Variants in EPS8 observed in about 807,000 individuals in gnomAD.
EPS8 encodes EGFR pathway substrate 8, signaling adaptor.
EPS8 carries 42 observed loss-of-function variants against 103.8 expected under a neutral mutation model. The observed-to-expected ratio is 0.40, with a 90% CI of 0.32 to 0.52. The LOEUF (loss-of-function observed/expected upper bound fraction) is 0.52, where lower values mean the gene tolerates loss of function less well. Ranked by LOEUF, EPS8 falls within the 20% of genes least tolerant of loss-of-function variation. The pLI, the probability that EPS8 is intolerant of heterozygous loss-of-function variation, is 0.40. For synonymous variants in EPS8, 344 were observed against 344.6 expected, an observed-to-expected ratio of 1.00 and a Z score of 0.02; for missense variants, 969 against 1,005.1, an observed-to-expected ratio of 0.96 and a Z score of 0.49.
Position 15,781,815 on chromosome 12 carries a change from A to C in EPS8, c.-22+7346T>G, listed in dbSNP as rs564107046. ...CCTTGCTGGTGGGGACTCTCCAAGA[A>C]TCCCAGGACAACAGAGAGCATCACA... is the stretch of plus-strand genomic sequence containing the variant. On this transcript the variant is annotated intron_variant, in intron 1 of 20. Transcript: ENST00000281172. The surrounding 1 kb of genome is among the most constrained non-coding windows in gnomAD (Gnocchi z 4.1). The C allele has an allele frequency of 1.3e-3, 193 of 152,468 alleles. No homozygotes were observed. Among genetic ancestry groups the C allele is most frequent in the Middle Eastern group, 3.4e-3 (1 of 294 alleles). 9.4% of individuals were successfully genotyped at this position (152,468 alleles called of 1,614,324 possible). A position where few individuals can be genotyped will look rare whatever the true frequency, so the allele number is the denominator to read the frequency against.
rs1223146999 is a variant in EPS8, at chr12:15,650,889, CA to C, written c.1367del (p.Leu456ArgfsTer8). 3.1e-6 allele frequency: 5 copies of C among 1,613,966 alleles called. No homozygotes were observed. The highest frequency in any genetic ancestry group is 4.2e-6 in the Non-Finnish European group (5 of 1,179,992). ...CTGCTACATTTGCCACAGATTCTGC[CA>C]GTTGATAAAGATCTTGTTCCATTGT... ...GATMEQDLYQLAESVANVAEH... is the reference protein window; with the variant it reads ...GATMEQDLYQXAESVANVAEH... On this transcript the variant is annotated frameshift_variant, in exon 14 of 21. Transcript: ENST00000281172. LOFTEE classifies it high-confidence loss of function.
At chr12:15,681,728 CA>C (rs71042267) in intron 2 of EPS8, among the ~76,000 whole-genome samples, 1,331 of 39,198 alleles carry the variant, frequency 0.034, 37 homozygotes, top group Admixed American at 0.16. Flanking sequence ...GACTCTGTCT[CA>C]AAAAAAAAAA....
In EPS8 at chr12:15,688,625, C is replaced by T. The variant is rs866520540; in HGVS notation, c.-21-5653G>A. 2.6e-5 allele frequency among the ~76,000 whole-genome samples: 4 copies of T among 152,060 alleles called. No individual in the cohort carries two copies. The highest frequency in any genetic ancestry group is 7.2e-5 in the African/African-American group (3 of 41,416). On this transcript the variant is annotated intron_variant, in intron 1 of 20. Coordinates refer to ENST00000281172, the MANE Select transcript of EPS8 (RefSeq NM_004447.6). The surrounding 1 kb of genome is among the most constrained non-coding windows in gnomAD (Gnocchi z 5.1). ...TGCAGGCCACTAACCAGCAGAATGA[C>T]GCGGAATTTGGAGTTTAGCAGGGGC...
chr12:15,680,731 T>C (rs1945990157), intron 3 of EPS8, among the ~76,000 whole-genome samples: 2 of 152,080 alleles, frequency 1.3e-5, no homozygotes, highest in African/African-American at 2.4e-5. Context: ...TAAAAAATAG[T>C]ATGTATATGT....
intron 10 of EPS8, among the ~76,000 whole-genome samples, chr12:15,659,864 G>A (rs12300287): frequency 0.03 from 4,622 of 152,144 alleles, 270 homozygotes; most frequent in African/African-American, 0.11. Context: ...TGAATGTACC[G>A]TTTAAAGTTT....
At chr12:15,663,943 A>T (rs1591832670) in intron 8 of EPS8, among the ~76,000 whole-genome samples, 3 of 8,414 alleles carry the variant, frequency 3.6e-4, no homozygotes, top group Non-Finnish European at 6.7e-4. Context: ...AAAAAAAAAA[A>T]AAATAATATA....
In EPS8 at chr12:15,772,605, C is replaced by A. The variant is rs560002373; in HGVS notation, c.-22+16556G>T. On this transcript the variant is annotated intron_variant, in intron 1 of 20. Transcript: ENST00000281172. This position sits in a 1 kb window ranked among gnomAD's most constrained non-coding sequence, Gnocchi z 5.0. Reference sequence around the variant, plus strand: ...CTCTCACTGCTGCCAACAGATGGTGCTAGAACTTACTTGAGAGTTTCACTT... The same window carrying A: ...CTCTCACTGCTGCCAACAGATGGTGATAGAACTTACTTGAGAGTTTCACTT... Among the ~76,000 whole-genome samples, 3 of 152,088 alleles carry A rather than the reference C, an allele frequency of 2.0e-5. No individual in the cohort carries two copies. Among genetic ancestry groups the A allele is most frequent in the Non-Finnish European group, 4.4e-5 (3 of 68,010 alleles).
rs142230886 is a variant in EPS8, at chr12:15,701,098, T to A, written c.-21-18126A>T. ...CTTCAATCTGCTAAATTAACTAATA[T>A]CTTTGGCTTCAAAATAGTCACTTTT... On this transcript the variant is annotated intron_variant, in intron 1 of 20. Coordinates refer to ENST00000281172, the MANE Select transcript of EPS8 (RefSeq NM_004447.6). This position sits in a 1 kb window ranked among gnomAD's most constrained non-coding sequence, Gnocchi z 5.1. 6.6e-6 allele frequency among the ~76,000 whole-genome samples: 1 copy of A among 152,194 alleles called. No individual in the cohort carries two copies. Among genetic ancestry groups the A allele is most frequent in the African/African-American group, 2.4e-5 (1 of 41,456 alleles).
At position 15,725,364 on chromosome 12, in the gene EPS8, T is replaced by A. The variant is rs758160735; in HGVS notation, c.-21-42392A>T. On this transcript the variant is annotated intron_variant, in intron 1 of 20. Transcript: ENST00000281172. The surrounding 1 kb of genome is among the most constrained non-coding windows in gnomAD (Gnocchi z 4.5). The stretch of plus-strand genomic sequence containing the variant: ...GCTCACACCTGTAATCCCAGCTACT[T>A]GGGAGGCCGAGGCAGGAGGATCACT... Among the ~76,000 whole-genome samples, 1 of 151,654 alleles carries A rather than the reference T, an allele frequency of 6.6e-6. No individual in the cohort carries two copies. Among genetic ancestry groups the A allele is most frequent in the African/African-American group, 2.4e-5 (1 of 41,230 alleles).
At chr12:15,658,739 A>C (rs993595843) in intron 10 of EPS8, among the ~76,000 whole-genome samples, 154 bp from the exon 11 acceptor site, 2 of 152,168 alleles carry the variant, frequency 1.3e-5, no homozygotes, top group African/African-American at 4.8e-5. Context: ...TGACTGTAAC[A>C]AACTGAGAAG....
rs1375513870 is a variant in EPS8 at position 15,785,084 on chromosome 12, G to A, written c.-22+4077C>T. Reference sequence around the variant, plus strand: ...TGTCAAAACCCAAAGAACTTCACAGGACAAAGAGTAAACTTTAATGTATGC... The same window carrying A: ...TGTCAAAACCCAAAGAACTTCACAGAACAAAGAGTAAACTTTAATGTATGC... On this transcript the variant is annotated intron_variant, in intron 1 of 20. Transcript: ENST00000281172. This position sits in a 1 kb window ranked among gnomAD's most constrained non-coding sequence, Gnocchi z 4.9. Among the ~76,000 whole-genome samples the A allele has an allele frequency of 6.6e-6, 1 of 152,064 alleles. No homozygotes were observed. Among genetic ancestry groups the A allele is most frequent in the Non-Finnish European group, 1.5e-5 (1 of 67,950 alleles).
At position 15,662,047 on chromosome 12, in the gene EPS8, T is replaced by C. The variant is rs1409594362; in HGVS notation, c.789A>G (p.Ala263=). 8 of 1,613,948 alleles carry C rather than the reference T, an allele frequency of 5.0e-6. 1 individual carries two copies. In the South Asian group the frequency reaches 8.8e-5, roughly 18 times the overall value. ...TTACCACATCTCTGTCAATGCGGGC[T>C]GCCATCATCTCAGGTGTTTCTTCCT... ...HEQEETPEMM[A]ARIDRDVQIL... is the part of the protein sequence containing the mutation. The change falls in exon 9 of 21, where the codon GCA becomes GCG. Residue 263 remains alanine, a synonymous_variant. Transcript: ENST00000281172.
chr12:15,786,804 C>T (rs2136061993), intron 1 of EPS8, among the ~76,000 whole-genome samples: 1 of 152,154 alleles, frequency 6.6e-6, no homozygotes, highest in East Asian at 1.9e-4. Context: ...ATTTTTCTTA[C>T]AAAAATATTT....
intron 8 of EPS8, 34 bp downstream of exon 8, chr12:15,665,722 G>A (rs1355363603): frequency 6.2e-7 from 1 of 1,610,454 alleles, no homozygotes; most frequent in East Asian, 2.2e-5. Flanking sequence ...CCCAAAGTAA[G>A]TGTTCAATAA....
Position 15,704,295 on chromosome 12 carries a change from T to C in EPS8, c.-21-21323A>G, listed in dbSNP as rs1029201564. On this transcript the variant is annotated intron_variant, in intron 1 of 20. Transcript: ENST00000281172. The surrounding 1 kb of genome is among the most constrained non-coding windows in gnomAD (Gnocchi z 4.6). ...TACACCCATGCTCATATCAACATTA[T>C]TCACGAGAGCCAAAAGGTAGATGCA... 2.6e-5 allele frequency among the ~76,000 whole-genome samples: 4 copies of C among 152,162 alleles called. No individual in the cohort carries two copies. The highest frequency in any genetic ancestry group is 6.5e-5 in the Admixed American group (1 of 15,276).
In EPS8 at chr12:15,749,575, G is replaced by A. The variant is rs926121445; in HGVS notation, c.-22+39586C>T. ...TGTTTATCTTCTTCACTCTGGCTGC[G>A]ACTATGCCTCACTCAGAGAAGGGAC... On this transcript the variant is annotated intron_variant, in intron 1 of 20. Coordinates refer to ENST00000281172, the MANE Select transcript of EPS8 (RefSeq NM_004447.6). The surrounding 1 kb of genome is among the most constrained non-coding windows in gnomAD (Gnocchi z 4.0). Among the ~76,000 whole-genome samples the A allele has an allele frequency of 6.6e-6, 1 of 152,098 alleles. No individual in the cohort carries two copies. The highest frequency in any genetic ancestry group is 2.4e-5 in the African/African-American group (1 of 41,394).
chr12:15,766,162 G>A (rs1219338427), intron 1 of EPS8, among the ~76,000 whole-genome samples: 4 of 151,366 alleles, frequency 2.6e-5, no homozygotes, highest in Admixed American at 1.3e-4. Context: ...GTTTGTTTTA[G>A]TGTTTAAAAA....
At position 15,776,536 on chromosome 12, in the gene EPS8, C is replaced by T. The variant is rs147481726; in HGVS notation, c.-22+12625G>A. ...ATACCCAAAACCCAAATGATGCCCA[C>T]GTTAGCCCAATAACGTCAATGTTAG... is the stretch of plus-strand genomic sequence containing the variant. On this transcript the variant is annotated intron_variant, in intron 1 of 20. Transcript: ENST00000281172. The surrounding 1 kb of genome is among the most constrained non-coding windows in gnomAD (Gnocchi z 4.2). Among the ~76,000 whole-genome samples the T allele has an allele frequency of 6.6e-5, 10 of 152,284 alleles. No individual in the cohort carries two copies. The highest frequency in any genetic ancestry group is 2.1e-4 in the South Asian group (1 of 4,828).
At chr12:15,741,336 C>T (rs932170044) in intron 1 of EPS8, among the ~76,000 whole-genome samples, 1 of 152,148 alleles carries the variant, frequency 6.6e-6, no homozygotes, top group African/African-American at 2.4e-5. Context: ...GAGGAAATGG[C>T]CATCCCCATC....
Sources: allele counts gnomAD v4.1 joint callset (sites outside exome capture counted in the v4.1 genomes callset), GRCh38; gene constraint gnomAD v4.1.1; non-coding constraint Gnocchi (gnomAD v3.1); transcripts MANE v1.5; gene names NCBI Gene and HGNC (gene_info 2026-07-23, HGNC 2026-07-21).